The following ODAD3 variants were observed in gnomAD, a reference collection of about 807,000 sequenced individuals.
ODAD3 encodes the protein outer dynein arm docking complex subunit 3, also known as outer dynein arm-docking complex subunit 3.
Under a neutral mutation model 70.9 loss-of-function variants are expected in ODAD3, and 57 were observed. The ratio of observed to expected loss-of-function variants is 0.80; its 90% CI spans 0.65 to 1.00. The LOEUF (loss-of-function observed/expected upper bound fraction) is 1.00. ODAD3 is among the 50% of genes least tolerant of loss of function. The pLI is 0.00. For synonymous variants in ODAD3, 327 were observed against 315.9 expected (o/e 1.04, Z -0.37); for missense variants, 797 against 763.9 (o/e 1.04, Z -0.51).
At chr19:11,435,715 G>A (rs1308818269), upstream of ODAD3, 1 of 1,326,684 alleles carries the variant, frequency 7.5e-7, no homozygotes. Flanking sequence ...GTGTAGGTGT[G>A]AACGAGCGGG....
Position 11,426,988 on chromosome 19 carries a change from G to A in ODAD3, c.497C>T (p.Ala166Val). The change falls in exon 4 of 13, where the codon GCC becomes GTC. Residue 166 changes from alanine to valine, a missense_variant. Ala to Val is a moderately conservative substitution (Grantham distance 64). Coordinates refer to ENST00000356392, the MANE Select transcript of ODAD3 (RefSeq NM_145045.5). ...RLREKVKQQNALRHQVVLRQR... is the reference protein window; with the variant it reads ...RLREKVKQQNVLRHQVVLRQR... The stretch of plus-strand genomic sequence containing the variant: ...CCGCAACACCACCTGGTGCCGCAGG[G>A]CGTTCTGCTGCTTCACCTTCTCCCT... 2 of 1,605,356 alleles carry A rather than the reference G, an allele frequency of 1.2e-6. No individual in the cohort carries two copies. The highest frequency in any genetic ancestry group is 1.7e-4 in the Middle Eastern group (1 of 5,892).
chr19:11,435,306 G>T, upstream of ODAD3: 5 of 826,956 alleles, frequency 6.0e-6, no homozygotes, highest in Non-Finnish European at 8.7e-6. Flanking sequence ...GCCGCAGGAC[G>T]GAGGGTCTGG....
At chr19:11,425,661 A>ATATGCATATACG (rs1969351291) in intron 7 of ODAD3, among the ~76,000 whole-genome samples, 2 of 138,256 alleles carry the variant, frequency 1.4e-5, no homozygotes, top group African/African-American at 6.2e-5. Context: ...GTATATATAT[A>ATATGCATATACG]TATATATATG....
chr19:11,435,652 C>T, upstream of ODAD3: 13 of 1,282,680 alleles, frequency 1.0e-5, no homozygotes, highest in Non-Finnish European at 1.3e-5. Context: ...CAGCAGGAAC[C>T]GCGGCTGCTG....
In ODAD3 at chr19:11,423,938, A is replaced by G. The variant is rs781494423; in HGVS notation, c.1055T>C (p.Met352Thr). 6.2e-7 allele frequency: 1 copy of G among 1,613,494 alleles called. No homozygotes were observed. The highest frequency in any genetic ancestry group is 8.5e-7 in the Non-Finnish European group (1 of 1,179,974). ...GCCAAAGATCACCTCCATCTGGTACATGCTCCAGCGCTGCCGCAGCTCCTC... is the reference window on the plus strand; with the variant it reads ...GCCAAAGATCACCTCCATCTGGTACGTGCTCCAGCGCTGCCGCAGCTCCTC... ...KEEELRQRWS[M>T]YQMEVIFGKV... Residue 352 changes from methionine (M) to threonine (T), a missense_variant, in exon 8 of 13, where the codon ATG becomes ACG. Transcript: ENST00000356392.
chr19:11,427,692 G>A (rs561750387), intron 3 of ODAD3, among the ~76,000 whole-genome samples: 2 of 152,086 alleles, frequency 1.3e-5, no homozygotes, highest in East Asian at 2.0e-4. Context: ...ACGTTGACCA[G>A]GCTGGTCTCA....
At chr19:11,428,304 C>T (rs750235625) in intron 3 of ODAD3, among the ~76,000 whole-genome samples, 4 of 151,842 alleles carry the variant, frequency 2.6e-5, no homozygotes, top group South Asian at 2.1e-4. Flanking sequence ...TGCAGTGGCT[C>T]GATCTTGGCT....
chr19:11,424,176 A>C, intron 7 of ODAD3, 147 bp from the exon 8 acceptor site: 1 of 1,021,306 alleles, frequency 9.8e-7, no homozygotes. Flanking sequence ...GGCCAGATAA[A>C]GGCACCCGGG....
rs1434181236 is a variant in ODAD3, at chr19:11,426,425, C to T, written c.840+21G>A. 2.5e-6 allele frequency: 4 copies of T among 1,613,672 alleles called. No individual in the cohort carries two copies. The South Asian group carries it at 4.4e-5, about 18-fold the overall frequency. Reference sequence around the variant, plus strand: ...GACCGCGGCAGCTGGGCAGGATGGCCGAGGGCAAGAGGGGTGGCACCTTGG... The same window carrying T: ...GACCGCGGCAGCTGGGCAGGATGGCTGAGGGCAAGAGGGGTGGCACCTTGG... On this transcript the variant is annotated intron_variant, in intron 6 of 12. Coordinates refer to ENST00000356392, the MANE Select transcript of ODAD3 (RefSeq NM_145045.5).
intron 7 of ODAD3, among the ~76,000 whole-genome samples, chr19:11,425,821 G>C (rs1969357684): frequency 6.6e-6 from 1 of 151,600 alleles, no homozygotes; most frequent in South Asian, 2.1e-4. Flanking sequence ...CTTAGGCAAC[G>C]GTTGGCTCAG....
chr19:11,430,200 C>T (rs1036742911), intron 3 of ODAD3, among the ~76,000 whole-genome samples: 5 of 152,022 alleles, frequency 3.3e-5, no homozygotes, highest in Non-Finnish European at 4.4e-5. Context: ...TGTAATGGCA[C>T]AATCTCGGCT....
At chr19:11,435,728 G>A (rs1169548022), upstream of ODAD3, 1 of 1,339,544 alleles carries the variant, frequency 7.5e-7, no homozygotes. Context: ...CGAGCGGGTG[G>A]GAGGGCACCT....
rs1456888017 is a variant in ODAD3, at chr19:11,425,071, GTATA to G, written c.964-1046_964-1043del. ...TATATATGTGTATATGTGTATATAT[GTATA>G]TGTGTATATGTACATATGTGTATAT... On this transcript the variant is annotated intron_variant, in intron 7 of 12. Coordinates refer to ENST00000356392, the MANE Select transcript of ODAD3 (RefSeq NM_145045.5). 1.9e-4 allele frequency among the ~76,000 whole-genome samples: 22 copies of G among 117,878 alleles called. No individual in the cohort carries two copies. In the East Asian group the frequency reaches 4.4e-3, roughly 24 times the overall value. 77.3% of individuals were successfully genotyped at this position (117,878 alleles called of 152,430 possible). A position where few individuals can be genotyped will look rare whatever the true frequency, so the allele number is the denominator to read the frequency against.
Position 11,421,229 on chromosome 19 carries a change from A to G in ODAD3, c.1591-17T>C. 6.2e-7 allele frequency: 1 copy of G among 1,608,678 alleles called. No individual in the cohort carries two copies. The highest frequency in any genetic ancestry group is 2.2e-5 in the East Asian group (1 of 44,770). ...GGCGAGGAACTAAGCGGGGATGGGAAGCGAGAGAGGAAGGTGGGCGGGGCC... is the reference window on the plus strand; with the variant it reads ...GGCGAGGAACTAAGCGGGGATGGGAGGCGAGAGAGGAAGGTGGGCGGGGCC... On this transcript the variant is annotated splice_polypyrimidine_tract_variant and intron_variant, in intron 11 of 12. Coordinates refer to ENST00000356392, the MANE Select transcript of ODAD3 (RefSeq NM_145045.5).
chr19:11,435,654 C>T (rs45450094), upstream of ODAD3: 12,043 of 1,286,194 alleles, frequency 9.4e-3, 76 homozygotes, highest in Middle Eastern at 0.012. Context: ...GCAGGAACCG[C>T]GGCTGCTGGA....
At chr19:11,428,229 C>A (rs1221431442) in intron 3 of ODAD3, among the ~76,000 whole-genome samples, 1 of 151,830 alleles carries the variant, frequency 6.6e-6, no homozygotes, top group East Asian at 2.0e-4. Context: ...AGCCACTGCA[C>A]CCAGCCCAGT....
chr19:11,426,197 A>T lies in ODAD3; in HGVS notation c.910T>A (p.Cys304Ser), dbSNP rs757568684. Residue 304 changes from cysteine (C) to serine (S), a missense_variant, in exon 7 of 13, where the codon TGC becomes AGC. Physicochemically the swap from Cys to Ser is moderately radical, Grantham distance 112. Coordinates refer to ENST00000356392, the MANE Select transcript of ODAD3 (RefSeq NM_145045.5). ...RKKRERYISE[C>S]KKRAEEKKLE... is the part of the protein sequence containing the mutation. ...TTCTTCTCCTCGGCGCGCTTCTTGC[A>T]CTCACTTATGTAGCGTTCCCGCTTC... 1 of 1,613,598 alleles carries T rather than the reference A, an allele frequency of 6.2e-7. No individual in the cohort carries two copies. The highest frequency in any genetic ancestry group is 8.5e-7 in the Non-Finnish European group (1 of 1,179,860).
Position 11,422,829 on chromosome 19 carries a change from G to A in ODAD3, c.1149C>T (p.Asp383=), listed in dbSNP as rs1382273271. Residue 383 remains aspartate, a synonymous_variant, in exon 9 of 13, where the codon GAC becomes GAT. Transcript: ENST00000356392. The surrounding 1 kb of genome is among the most constrained non-coding windows in gnomAD (Gnocchi z 4.6). ...TGAGCGTCTCCAACTGCGCGAAGGT[G>A]TCGCCCTGGGCCAGGAACCGCCGCA... ...SLVRRFLAQG[D]TFAQLETLKS... is the part of the protein sequence containing the mutation. The A allele has an allele frequency of 6.2e-7, 1 of 1,606,104 alleles. No individual in the cohort carries two copies. Among genetic ancestry groups the A allele is most frequent in the Non-Finnish European group, 8.5e-7 (1 of 1,179,770 alleles).
In ODAD3 at chr19:11,423,863, C is replaced by G; in HGVS notation, c.1116+14G>C. 6.3e-7 allele frequency: 1 copy of G among 1,594,494 alleles called. No individual in the cohort carries two copies. ...GGGGGGGGCGCGGCGGAGAGGGCTG[C>G]GGGCAGAACTCACGTGCGTCTCGTC... On this transcript the variant is annotated intron_variant, in intron 8 of 12. Transcript: ENST00000356392.
Sources: allele counts gnomAD v4.1 joint callset (sites outside exome capture counted in the v4.1 genomes callset), GRCh38; gene constraint gnomAD v4.1.1; non-coding constraint Gnocchi (gnomAD v3.1); transcripts MANE v1.5; gene names NCBI Gene and HGNC (gene_info 2026-07-23, HGNC 2026-07-21).